TMC3: variants seen among roughly 807,000 people sequenced by gnomAD.
TMC3 encodes the protein transmembrane channel like 3, also known as transmembrane channel-like protein 3.
Under a neutral mutation model 110.6 loss-of-function variants are expected in TMC3, and 98 were observed. That is an observed-to-expected ratio of 0.89 (90% CI 0.75 to 1.05). The LOEUF is 1.05. TMC3 is among the 50% of genes least tolerant of loss of function. The pLI is 0.00. For synonymous variants in TMC3, 489 were observed against 513.1 expected (o/e 0.95, Z 0.63); for missense variants, 1,319 against 1,373.2 (o/e 0.96, Z 0.62).
chr15:81,373,641 A>G (rs980412856), intron 1 of TMC3, among the ~76,000 whole-genome samples: 11 of 152,200 alleles, frequency 7.2e-5, no homozygotes, highest in Non-Finnish European at 1.5e-4. Flanking sequence ...CACTTTATTT[A>G]TCATGATAGA....
intron 11 of TMC3, among the ~76,000 whole-genome samples, chr15:81,349,003 T>G (rs1405508934): frequency 6.6e-6 from 1 of 151,994 alleles, no homozygotes. Context: ...AAATTTTTTT[T>G]TATTTTTAGT....
At chr15:81,348,606 T>C (rs1018881575) in intron 11 of TMC3, among the ~76,000 whole-genome samples, 1 of 152,220 alleles carries the variant, frequency 6.6e-6, no homozygotes, top group Admixed American at 6.5e-5. Context: ...CCACTGACTG[T>C]CCTGGCAAAG....
intron 5 of TMC3, 111 bp from the exon 6 acceptor site, chr15:81,358,611 CA>C (rs1317597842): frequency 1.3e-6 from 1 of 793,534 alleles, no homozygotes; most frequent in African/African-American, 1.8e-5. Flanking sequence ...AAGAGATCTC[CA>C]GGGGGTGGAT....
Position 81,332,612 on chromosome 15 carries a change from G to A in TMC3, c.3110C>T (p.Ser1037Phe), listed in dbSNP as rs775993132. 2 of 1,614,038 alleles carry A rather than the reference G, an allele frequency of 1.2e-6. No homozygotes were observed. The highest frequency in any genetic ancestry group is 1.7e-6 in the Non-Finnish European group (2 of 1,179,896). The change falls in exon 22 of 22, where the codon TCC becomes TTC. Residue 1037 changes from serine to phenylalanine, a missense_variant. By Grantham distance (155) the Ser-to-Phe change is radical. Coordinates refer to ENST00000359440, the MANE Select transcript of TMC3 (RefSeq NM_001080532.3). ...KPRGKPRFEP[S>F]LTESDSVSAA... ...CGACACGGAGTCAGATTCCGTGAGG[G>A]ATGGCTCGAACCTGGGCTTCCCTCT...
chr15:81,355,759 A>C lies in TMC3; in HGVS notation c.901T>G (p.Leu301Val). 6.3e-7 allele frequency: 1 copy of C among 1,591,196 alleles called. No homozygotes were observed. The highest frequency in any genetic ancestry group is 8.6e-7 in the Non-Finnish European group (1 of 1,162,420). The change falls in exon 9 of 22, where the codon TTG (leucine) becomes GTG (valine). Residue 301 changes from leucine to valine, a missense_variant. Physicochemically the swap from Leu to Val is conservative, Grantham distance 32. Coordinates refer to ENST00000359440, the MANE Select transcript of TMC3 (RefSeq NM_001080532.3). ...CTTTTCTTTTTCTCCTGTTCTTCCA[A>C]TATAGCTTCCTTTAAGAAAAATACA... Reference protein sequence around the residue: ...AIVNSIREAILEEQEKKKSKN... With the variant: ...AIVNSIREAIVEEQEKKKSKN...
chr15:81,363,511 T>C (rs1025787065), intron 3 of TMC3, among the ~76,000 whole-genome samples: 2 of 152,202 alleles, frequency 1.3e-5, no homozygotes, highest in African/African-American at 4.8e-5. Context: ...CAGACATGTA[T>C]GGTAATGTCA....
chr15:81,347,246 G>T (rs1238303875), intron 11 of TMC3, among the ~76,000 whole-genome samples: 1 of 152,206 alleles, frequency 6.6e-6, no homozygotes, highest in Non-Finnish European at 1.5e-5. Flanking sequence ...GAAAAATGAA[G>T]CCAATTGATG....
At chr15:81,371,212 C>T (rs140940164) in intron 2 of TMC3, among the ~76,000 whole-genome samples, 1 of 152,260 alleles carries the variant, frequency 6.6e-6, no homozygotes, top group African/African-American at 2.4e-5. Context: ...GAAACAATAG[C>T]AGCTGATAAC....
intron 19 of TMC3, 43 bp from the exon 20 acceptor site, chr15:81,336,694 G>A: frequency 6.3e-7 from 1 of 1,595,820 alleles, no homozygotes. Context: ...GCTTTAGCAG[G>A]AAGCAGTAAC....
chr15:81,372,865 T>TTGTGGGTG, intron 1 of TMC3, 128 bp from the exon 2 acceptor site: 1 of 579,552 alleles, frequency 1.7e-6, no homozygotes, highest in Non-Finnish European at 2.9e-6. Context: ...GTGTATGTGT[T>TTGTGGGTG]TGTGCGTGTG....
chr15:81,339,385 G>A lies in TMC3; in HGVS notation c.1955+9C>T, dbSNP rs779738978. ...AGTCACTCCGGGCAGAGCTGGGAAC[G>A]AAACTTACCTGAATGGCCCACAGTT... On this transcript the variant is annotated intron_variant, in intron 17 of 21. Transcript: ENST00000359440. 1.8e-5 allele frequency: 29 copies of A among 1,600,858 alleles called. No homozygotes were observed. Among genetic ancestry groups the A allele is most frequent in the African/African-American group, 6.7e-5 (5 of 74,756 alleles).
chr15:81,362,329 G>A (rs1311995782), intron 3 of TMC3, 28 bp from the exon 4 acceptor site: 9 of 1,586,514 alleles, frequency 5.7e-6, no homozygotes, highest in Non-Finnish European at 1.7e-6. Flanking sequence ...GGATTAGAGA[G>A]GTCACGTACA....
chr15:81,335,742 G>C (rs1160770483), intron 20 of TMC3: 1 of 152,270 alleles, frequency 6.6e-6, no homozygotes, highest in African/African-American at 2.4e-5. Context: ...GGTGCCCAGT[G>C]AGCCTTCTAG....
At chr15:81,366,129 G>A (rs115212736) in intron 3 of TMC3, among the ~76,000 whole-genome samples, 2,361 of 152,246 alleles carry the variant, frequency 0.016, 88 homozygotes, top group African/African-American at 0.055. Context: ...TAGTGAACAC[G>A]ACATGCAAGA....
At chr15:81,354,512 G>A (rs1179338123) in intron 9 of TMC3, among the ~76,000 whole-genome samples, 1 of 152,196 alleles carries the variant, frequency 6.6e-6, no homozygotes, top group African/African-American at 2.4e-5. Flanking sequence ...TTGGTTGCAC[G>A]TGCATGTGTG....
At chr15:81,360,944 T>C (rs1247832195) in intron 4 of TMC3, among the ~76,000 whole-genome samples, 1 of 151,404 alleles carries the variant, frequency 6.6e-6, no homozygotes, top group Non-Finnish European at 1.5e-5. Flanking sequence ...TACTACAGCC[T>C]TGTTTGTTTA....
Position 81,354,282 on chromosome 15 carries a change from G to T in TMC3, c.935+1443C>A, listed in dbSNP as rs143350015. ...GAGTGGAGGTTGATCCCAGAAAGCAGGAGTGGAGGTCCTGGAGTGGAGCAG... is the reference window on the plus strand; with the variant it reads ...GAGTGGAGGTTGATCCCAGAAAGCATGAGTGGAGGTCCTGGAGTGGAGCAG... On this transcript the variant is annotated intron_variant, in intron 9 of 21. Transcript: ENST00000359440. Among the ~76,000 whole-genome samples the T allele has an allele frequency of 5.4e-3, 815 of 152,332 alleles. 5 individuals carry two copies. Among genetic ancestry groups the T allele is most frequent in the African/African-American group, 0.019 (780 of 41,558 alleles).
At position 81,358,192 on chromosome 15, in the gene TMC3, C is replaced by G. The variant is rs540777088; in HGVS notation, c.700G>C (p.Gly234Arg). 19 of 1,611,820 alleles carry G rather than the reference C, an allele frequency of 1.2e-5. No homozygotes were observed. In the South Asian group the frequency reaches 2.0e-4, roughly 17 times the overall value. ...AAGCTGTAAGCAAACACTGCCATCC[C>G]CACTAGGAAATACGCCAAGGGCAGC... ...YRLPLAYFLV[G>R]MAVFAYSFII... The change falls in exon 7 of 22, where the codon GGG (glycine) becomes CGG (arginine). Residue 234 changes from glycine to arginine, a missense_variant. Gly to Arg is a moderately radical substitution (Grantham distance 125, BLOSUM62 -2). Transcript: ENST00000359440.
intron 7 of TMC3, among the ~76,000 whole-genome samples, chr15:81,357,946 T>A (rs1293266696): frequency 6.6e-6 from 1 of 152,238 alleles, no homozygotes; most frequent in Non-Finnish European, 1.5e-5. Flanking sequence ...TCTTCTCATC[T>A]GTAAAATGGA....
Sources: gnomAD v4.1 joint callset for allele counts (sites outside exome capture counted in the v4.1 genomes callset) on GRCh38, gnomAD v4.1.1 for gene constraint, MANE v1.5 for transcripts, NCBI Gene and HGNC (gene_info 2026-07-23, HGNC 2026-07-21) for gene names.